Variants in KANTR observed in about 807,000 individuals in gnomAD.
KANTR encodes KANTR integral membrane protein, also known as KDM5C adjacent transcript.
downstream of KANTR, among the ~76,000 whole-genome samples, chrX:53,129,700 T>A (rs1434037909): frequency 9.1e-6 from 1 of 110,408 alleles, no homozygotes; most frequent in Non-Finnish European, 1.9e-5. Context: ...TAATTATTGC[T>A]TGACTCTATA....
downstream of KANTR, among the ~76,000 whole-genome samples, chrX:53,147,294 CA>C (rs1363256223): frequency 2.7e-5 from 3 of 110,617 alleles, no homozygotes; most frequent in African/African-American, 6.6e-5. Flanking sequence ...AAATGGAAAA[CA>C]AAAAAAGGCA....
chrX:53,129,849 A>AATTTATTTATTTATTTATTTATTTATTT (rs59141550), downstream of KANTR, among the ~76,000 whole-genome samples: 1 of 98,980 alleles, frequency 1.0e-5, no homozygotes, highest in African/African-American at 3.6e-5. Context: ...TCTCCTTACA[A>AATTTATTTATTTATTTATTTATTTATTT]ATTTATTTAT....
chrX:53,127,903 T>C (rs1243593369), downstream of KANTR, among the ~76,000 whole-genome samples: 1 of 111,545 alleles, frequency 9.0e-6, no homozygotes, highest in Non-Finnish European at 1.9e-5. Flanking sequence ...GTAGGGGGGC[T>C]GCAGGGGATA....
intron 1 of KANTR, among the ~76,000 whole-genome samples, chrX:53,097,350 G>GTTTTTTTTTTTTTTTTTTTTTTTTT (rs781783647): frequency 1.5e-5 from 1 of 67,978 alleles, no homozygotes; most frequent in Non-Finnish European, 2.6e-5. Context: ...TTTGTTTTAA[G>GTTTTTTTTTTTTTTTTTTTTTTTTT]TTTTTTTTTT....
intron 2 of KANTR, among the ~76,000 whole-genome samples, chrX:53,136,607 C>T (rs1212124768): frequency 2.5e-5 from 2 of 78,492 alleles, no homozygotes; most frequent in Non-Finnish European, 4.9e-5. Flanking sequence ...GTGGCGTGAT[C>T]ATGGCTCACT....
intron 2 of KANTR, among the ~76,000 whole-genome samples, chrX:53,140,163 G>C (rs1401110173): frequency 8.9e-6 from 1 of 112,202 alleles, no homozygotes; most frequent in African/African-American, 3.2e-5. Context: ...TAGGGCAGCT[G>C]TTCCGAAGAG....
At position 53,115,478 on chromosome X, in the gene KANTR, G is replaced by T. The variant is rs1352462786; in HGVS notation, c.-804-7991G>T. On this transcript the variant is annotated intron_variant, in intron 2 of 2. Coordinates refer to ENST00000604062, the Ensembl canonical transcript of KANTR. ...GAACAAGCCTGGTACCTGAGTCTAT[G>T]GGGGCTAGCCTGGCACTGGGGTGGG... is the stretch of plus-strand genomic sequence containing the variant. 3.6e-5 allele frequency among the ~76,000 whole-genome samples: 4 copies of T among 111,713 alleles called. No homozygotes were observed. In the Admixed American group the frequency reaches 3.7e-4, roughly 10 times the overall value.
downstream of KANTR, among the ~76,000 whole-genome samples, chrX:53,129,117 G>A (rs1433333989): frequency 5.1e-5 from 5 of 97,758 alleles, no homozygotes; most frequent in Admixed American, 5.7e-4. Flanking sequence ...ACCCAGGCTG[G>A]AGTGCAGTGG....
intron 2 of KANTR, among the ~76,000 whole-genome samples, chrX:53,132,909 A>G (rs190222455): frequency 4.5e-5 from 5 of 112,089 alleles, no homozygotes; most frequent in Admixed American, 2.8e-4. Context: ...AATGAACTGT[A>G]TAACAATACT....
At chrX:53,136,693 C>CATATATATATATATATATAT (rs58263602) in intron 2 of KANTR, among the ~76,000 whole-genome samples, 23 of 9,301 alleles carry the variant, frequency 2.5e-3, no homozygotes, top group East Asian at 6.8e-3. Flanking sequence ...CCACGCCCGG[C>CATATATATATATATATATAT]ATATATATAT....
exon 3 of KANTR, chrX:53,141,915 A>G (rs1473727034): frequency 4.0e-5 from 21 of 521,191 alleles, no homozygotes; most frequent in Non-Finnish European, 4.8e-5. Flanking sequence ...GGAAAACATC[A>G]GCTAAGAAAG....
chrX:53,121,941 C>G (rs1933227470), intron 2 of KANTR, among the ~76,000 whole-genome samples: 1 of 111,581 alleles, frequency 9.0e-6, no homozygotes, highest in South Asian at 3.8e-4. Flanking sequence ...TTGGAAGACT[C>G]TAGCCCACCC....
At chrX:53,118,436 C>T (rs1933167339) in intron 2 of KANTR, among the ~76,000 whole-genome samples, 1 of 111,792 alleles carries the variant, frequency 8.9e-6, no homozygotes, top group Non-Finnish European at 1.9e-5. Context: ...CATGTTTCCT[C>T]TTCTGTGAAA....
At chrX:53,118,535 C>T (rs1451000078) in intron 2 of KANTR, among the ~76,000 whole-genome samples, 2 of 110,992 alleles carry the variant, frequency 1.8e-5, no homozygotes, top group Non-Finnish European at 3.8e-5. Flanking sequence ...CCAAGGAAGG[C>T]AGATCACTTG....
intron 2 of KANTR, among the ~76,000 whole-genome samples, chrX:53,114,290 C>T (rs1239604611): frequency 8.9e-6 from 1 of 112,674 alleles, no homozygotes; most frequent in African/African-American, 3.2e-5. Flanking sequence ...AAGCAGTCTG[C>T]CCGCCTCGGC....
At chrX:53,123,560 A>ACTCC (rs1377811831) in exon 3 of KANTR, 1 of 111,456 alleles carries the variant, frequency 9.0e-6, no homozygotes, top group African/African-American at 3.3e-5. Context: ...AGTATCTGAT[A>ACTCC]CTCGGGAAGA....
At chrX:53,135,772 G>A (rs942353178) in intron 2 of KANTR, among the ~76,000 whole-genome samples, 4 of 111,784 alleles carry the variant, frequency 3.6e-5, no homozygotes, top group Non-Finnish European at 5.6e-5. Context: ...AGAAGTCCCA[G>A]CCAACTTGTG....
At chrX:53,096,811 G>A (rs1358583466) in intron 1 of KANTR, among the ~76,000 whole-genome samples, 1 of 105,476 alleles carries the variant, frequency 9.5e-6, no homozygotes, top group African/African-American at 3.5e-5. Context: ...GGGTGACAGC[G>A]AGACCCTGTC....
At chrX:53,126,348 A>G (rs973962767) in exon 3 of KANTR, 7 of 110,377 alleles carry the variant, frequency 6.3e-5, no homozygotes, top group Admixed American at 1.9e-4. Flanking sequence ...GGACCTCCTC[A>G]TTCTATCTTC....
Sources: allele counts gnomAD v4.1 joint callset (sites outside exome capture counted in the v4.1 genomes callset), GRCh38; gene constraint gnomAD v4.1.1; transcripts MANE v1.5; gene names NCBI Gene and HGNC (gene_info 2026-07-23, HGNC 2026-07-21).